Variants in RPIA observed in about 807,000 individuals in gnomAD.
RPIA encodes ribose 5-phosphate isomerase A, also known as ribose-5-phosphate isomerase.
A neutral mutation model predicts 37.8 loss-of-function variants in RPIA; 29 were observed. The ratio of observed to expected loss-of-function variants is 0.77; its 90% CI spans 0.57 to 1.05. The LOEUF (loss-of-function observed/expected upper bound fraction) is 1.05, where lower values mean the gene tolerates loss of function less well. Ranked by LOEUF, RPIA falls within the 50% of genes least tolerant of loss-of-function variation. The probability of loss-of-function intolerance (pLI) is 0.00; values close to 1 mark genes in which losing one functional copy is unlikely to be tolerated. For synonymous variants in RPIA, 167 were observed against 157.0 expected, an observed-to-expected ratio of 1.06 and a Z score of -0.48; for missense variants, 385 against 413.6, an observed-to-expected ratio of 0.93 and a Z score of 0.60.
Position 88,699,997 on chromosome 2 carries a change from T to C in RPIA, c.347-12T>C. The C allele has an allele frequency of 1.2e-6, 2 of 1,614,170 alleles. No homozygotes were observed. The highest frequency in any genetic ancestry group is 1.7e-6 in the Non-Finnish European group (2 of 1,179,980). ...GAGTGAAAAACTGCCAATATGGCTT[T>C]TGTTTCCACAGCTGAAAGGGTGAAG... is the stretch of plus-strand genomic sequence containing the variant. On this transcript the variant is annotated splice_polypyrimidine_tract_variant and intron_variant, in intron 2 of 8. Coordinates refer to ENST00000283646, the MANE Select transcript of RPIA (RefSeq NM_144563.3).
chr2:88,716,182 G>T (rs144769130), intron 3 of RPIA, among the ~76,000 whole-genome samples: 1 of 152,056 alleles, frequency 6.6e-6, no homozygotes, highest in African/African-American at 2.4e-5. Flanking sequence ...GTGGATAGCC[G>T]CTTGAGGACT....
At chr2:88,743,527 G>A (rs1419101846) in intron 8 of RPIA, among the ~76,000 whole-genome samples, 5 of 152,082 alleles carry the variant, frequency 3.3e-5, no homozygotes, top group African/African-American at 4.8e-5. Context: ...CCTGGTTTTG[G>A]TATTAGGGTA....
chr2:88,724,380 C>T (rs1352849576), intron 3 of RPIA, among the ~76,000 whole-genome samples: 3 of 150,648 alleles, frequency 2.0e-5, no homozygotes, highest in Non-Finnish European at 4.4e-5. Context: ...GATCTCGGCT[C>T]ACTTCAACCT....
chr2:88,740,590 G>C (rs1011511194), intron 8 of RPIA, among the ~76,000 whole-genome samples: 2 of 152,192 alleles, frequency 1.3e-5, no homozygotes, highest in Non-Finnish European at 2.9e-5. Flanking sequence ...ATGTTTTGTT[G>C]TGTTCCACCC....
chr2:88,724,486 T>G (rs1482943782), intron 3 of RPIA, among the ~76,000 whole-genome samples: 1 of 152,058 alleles, frequency 6.6e-6, no homozygotes, highest in East Asian at 1.9e-4. Context: ...TTTTTGTATT[T>G]TTACTGGAGA....
chr2:88,748,358 G>T (rs1017447199), intron 8 of RPIA, among the ~76,000 whole-genome samples: 1 of 152,108 alleles, frequency 6.6e-6, no homozygotes, highest in Non-Finnish European at 1.5e-5. Context: ...GACTTAACTG[G>T]ATCACCACTA....
chr2:88,720,107 T>C (rs12997118), intron 3 of RPIA, among the ~76,000 whole-genome samples: 1 of 152,066 alleles, frequency 6.6e-6, no homozygotes, highest in East Asian at 1.9e-4. Context: ...TTAATTACTG[T>C]CAGTATTTAA....
chr2:88,716,484 A>G (rs1418216413), intron 3 of RPIA, among the ~76,000 whole-genome samples: 1 of 152,136 alleles, frequency 6.6e-6, no homozygotes, highest in Non-Finnish European at 1.5e-5. Flanking sequence ...AGCTAAATGC[A>G]GGTGTTCAAA....
intron 3 of RPIA, among the ~76,000 whole-genome samples, chr2:88,701,522 A>G (rs1672831622): frequency 6.6e-6 from 1 of 152,174 alleles, no homozygotes; most frequent in Non-Finnish European, 1.5e-5. Flanking sequence ...CTAGATGACC[A>G]CTACCTAGAA....
intron 3 of RPIA, 23 bp from the exon 4 acceptor site, chr2:88,729,255 T>C: frequency 6.2e-7 from 1 of 1,613,290 alleles, no homozygotes; most frequent in Non-Finnish European, 8.5e-7. Context: ...ATGATCGTGG[T>C]TGCTCTTCCC....
chr2:88,741,436 T>C (rs185934708), intron 8 of RPIA, among the ~76,000 whole-genome samples: 10 of 152,334 alleles, frequency 6.6e-5, no homozygotes, highest in Admixed American at 3.9e-4. Flanking sequence ...TGTGTGTGTA[T>C]GTGTATATAT....
chr2:88,737,860 C>T, intron 7 of RPIA, 117 bp from the exon 8 acceptor site: 1 of 747,784 alleles, frequency 1.3e-6, no homozygotes, highest in Non-Finnish European at 2.4e-6. Context: ...ACCTAGAAAG[C>T]ATAAGGTGGG....
At chr2:88,720,364 C>T (rs1673105019) in intron 3 of RPIA, among the ~76,000 whole-genome samples, 1 of 151,842 alleles carries the variant, frequency 6.6e-6, no homozygotes, top group Non-Finnish European at 1.5e-5. Context: ...CTGCAGTGTA[C>T]AGAATATTAT....
At chr2:88,735,503 T>G (rs1355876741) in intron 5 of RPIA, among the ~76,000 whole-genome samples, 166 bp from the exon 6 acceptor site, 1 of 152,228 alleles carries the variant, frequency 6.6e-6, no homozygotes, top group South Asian at 2.1e-4. Flanking sequence ...TAGAGTCCAT[T>G]TACTAGGAGC....
chr2:88,735,474 C>A (rs1285688107), intron 5 of RPIA, among the ~76,000 whole-genome samples, 195 bp from the exon 6 acceptor site: 1 of 152,204 alleles, frequency 6.6e-6, no homozygotes, highest in Middle Eastern at 3.2e-3. Flanking sequence ...AGGTTTCTCC[C>A]AGACAGGGGT....
intron 3 of RPIA, among the ~76,000 whole-genome samples, chr2:88,727,376 G>A (rs1558697054): frequency 6.6e-6 from 1 of 152,184 alleles, no homozygotes; most frequent in South Asian, 2.1e-4. Flanking sequence ...CTGAAGTTAG[G>A]ATGGTTTCTC....
At chr2:88,736,431 C>T in intron 6 of RPIA, 104 bp from the exon 7 acceptor site, 1 of 1,246,938 alleles carries the variant, frequency 8.0e-7, no homozygotes, top group Non-Finnish European at 1.2e-6. Flanking sequence ...TGATCACTTT[C>T]CTTGCCTTCC....
At chr2:88,694,979 C>CAAAAAAAAAAAAA (rs61633535) in intron 1 of RPIA, among the ~76,000 whole-genome samples, 2 of 119,100 alleles carry the variant, frequency 1.7e-5, no homozygotes, top group Admixed American at 8.8e-5. Context: ...AATAAAGTCT[C>CAAAAAAAAAAAAA]AAAAAAAAAA....
chr2:88,748,230 T>A (rs1673461718), intron 8 of RPIA, among the ~76,000 whole-genome samples: 1 of 152,194 alleles, frequency 6.6e-6, no homozygotes, highest in African/African-American at 2.4e-5. Context: ...TTTATACATG[T>A]TCTGTTTCCT....
Sources: gnomAD v4.1 joint callset for allele counts (sites outside exome capture counted in the v4.1 genomes callset) on GRCh38, gnomAD v4.1.1 for gene constraint, MANE v1.5 for transcripts, NCBI Gene and HGNC (gene_info 2026-07-23, HGNC 2026-07-21) for gene names.